Variants in XPO4 observed in about 807,000 individuals in gnomAD.
The protein encoded by XPO4 is exportin-4.
A neutral mutation model predicts 143.0 loss-of-function variants in XPO4; 39 were observed. The ratio of observed to expected loss-of-function variants is 0.27; its 90% CI spans 0.21 to 0.36. The LOEUF (loss-of-function observed/expected upper bound fraction) is 0.36. Ranked by LOEUF, XPO4 falls within the 10% of genes least tolerant of loss-of-function variation. XPO4 has a pLI of 1.00. For missense variants in XPO4, 907 were observed against 1,348.0 expected, an observed-to-expected ratio of 0.67 and a Z score of 5.12; for synonymous variants, 439 against 474.0, an observed-to-expected ratio of 0.93 and a Z score of 0.96.
In XPO4 at chr13:20,807,505, T is replaced by C. The variant is rs776091609; in HGVS notation, c.1769A>G (p.Glu590Gly). Residue 590 changes from glutamate to glycine, a missense_variant, in exon 13 of 23, where the codon GAA becomes GGA. Coordinates refer to ENST00000255305, the MANE Select transcript of XPO4 (RefSeq NM_022459.5). ...TTLQILGSPG[E>G]KASSIPGYNR... ...GTACCCTGGGATGGAAGAAGCCTTT[T>C]CTCCTGGAGATCCCAAAATTTGAAG... 1 of 1,613,700 alleles carries C rather than the reference T, an allele frequency of 6.2e-7. No individual in the cohort carries two copies. The highest frequency in any genetic ancestry group is 1.7e-5 in the Admixed American group (1 of 59,976).
chr13:20,882,109 C>CAAAAAA (rs35404161), intron 1 of XPO4, among the ~76,000 whole-genome samples: 7 of 93,370 alleles, frequency 7.5e-5, no homozygotes, highest in African/African-American at 2.8e-4. Flanking sequence ...GACTCGGTCT[C>CAAAAAA]AAAAAAAAAA....
chr13:20,851,711 C>CA lies in XPO4; in HGVS notation c.456+3915dup, dbSNP rs11340357. ...GGCAACAGAGCAAGACCCGGTCTCA[C>CA]AAAAAAAAAAAAAAAAAAAGAAAGA... On this transcript the variant is annotated intron_variant, in intron 4 of 22. Coordinates refer to ENST00000255305, the MANE Select transcript of XPO4 (RefSeq NM_022459.5). The CA allele has an allele frequency of 6.9e-3, 5,403 of 779,406 alleles. 1 individual carries two copies. Among genetic ancestry groups the CA allele is most frequent in the Middle Eastern group, 0.014 (20 of 1,462 alleles). The allele number at this position is 779,406 out of a possible 1,614,324, so 48.3% of individuals were successfully genotyped here.
At chr13:20,825,581 T>C (rs2059774162) in intron 7 of XPO4, among the ~76,000 whole-genome samples, 1 of 152,232 alleles carries the variant, frequency 6.6e-6, no homozygotes, top group Non-Finnish European at 1.5e-5. Context: ...CTGGTTTGTC[T>C]AGACAGCTGT....
At chr13:20,841,280 A>G (rs375210020) in intron 6 of XPO4, among the ~76,000 whole-genome samples, 3 of 152,238 alleles carry the variant, frequency 2.0e-5, no homozygotes, top group South Asian at 2.1e-4. Context: ...TCTCTCCCCA[A>G]CTGCAAGATC....
At chr13:20,830,142 C>T (rs1367198545) in intron 6 of XPO4, among the ~76,000 whole-genome samples, 2 of 152,174 alleles carry the variant, frequency 1.3e-5, no homozygotes, top group African/African-American at 4.8e-5. Flanking sequence ...TTTCAGCACA[C>T]TGTCCCTGAT....
intron 1 of XPO4, among the ~76,000 whole-genome samples, chr13:20,899,758 T>TA (rs2138195066): frequency 6.6e-6 from 1 of 152,298 alleles, no homozygotes; most frequent in South Asian, 2.1e-4. Flanking sequence ...AATTATGAAA[T>TA]ACATCACTAT....
chr13:20,861,097 T>G (rs2060192812), intron 3 of XPO4, among the ~76,000 whole-genome samples: 2 of 152,158 alleles, frequency 1.3e-5, no homozygotes, highest in Non-Finnish European at 2.9e-5. Context: ...TTAATCACCA[T>G]TCCTAAGCAC....
chr13:20,892,091 A>T (rs1183890257), intron 1 of XPO4, among the ~76,000 whole-genome samples: 1 of 149,994 alleles, frequency 6.7e-6, no homozygotes, highest in African/African-American at 2.5e-5. Context: ...CAGTGGCATG[A>T]TCTCGGCTCA....
chr13:20,808,959 AT>A, intron 11 of XPO4, 123 bp downstream of exon 11: 1 of 1,115,860 alleles, frequency 9.0e-7, no homozygotes, highest in South Asian at 1.6e-5. Flanking sequence ...GTTTCTGTCC[AT>A]TTGTTCCAGT....
rs117497847 is a variant in XPO4 at position 20,845,951 on chromosome 13, A to G, written c.457-2065T>C. Among the ~76,000 whole-genome samples the G allele has an allele frequency of 8.6e-3, 1,314 of 152,342 alleles. 8 individuals are homozygous for G. The highest frequency in any genetic ancestry group is 0.015 in the Non-Finnish European group (992 of 68,024). On this transcript the variant is annotated intron_variant, in intron 4 of 22. Transcript: ENST00000255305. ...AAGACTCTAGTCAATAAAACATTAT[A>G]AACACATCTAAATGTTTGAGAAAAC...
intron 4 of XPO4, chr13:20,848,133 T>C (rs945388171): frequency 3.5e-6 from 2 of 576,346 alleles, no homozygotes; most frequent in African/African-American, 4.1e-5. Context: ...TATCATTCAC[T>C]GCTGCTGGCA....
At chr13:20,869,546 T>C in intron 1 of XPO4, 1 of 905,362 alleles carries the variant, frequency 1.1e-6, no homozygotes, top group Non-Finnish European at 1.3e-6. Context: ...ATTTCAATTA[T>C]ATTAAATAAT....
chr13:20,819,427 T>C (rs2059690528), intron 9 of XPO4, among the ~76,000 whole-genome samples: 1 of 152,010 alleles, frequency 6.6e-6, no homozygotes, highest in Non-Finnish European at 1.5e-5. Flanking sequence ...TTTGGGAGGC[T>C]GGGGTGGGTG....
intron 9 of XPO4, 142 bp downstream of exon 9, chr13:20,821,562 A>C: frequency 1.1e-6 from 1 of 893,580 alleles, no homozygotes; most frequent in South Asian, 3.2e-5. Flanking sequence ...TTTCCCAAAT[A>C]ATTTGCACAT....
chr13:20,875,144 T>G (rs2060339662), intron 1 of XPO4, among the ~76,000 whole-genome samples: 1 of 152,332 alleles, frequency 6.6e-6, no homozygotes. Flanking sequence ...CTTTGACTCA[T>G]TCACTAAAAA....
intron 4 of XPO4, among the ~76,000 whole-genome samples, chr13:20,846,372 C>T (rs1308920967): frequency 1.3e-5 from 2 of 152,124 alleles, no homozygotes; most frequent in South Asian, 4.1e-4. Flanking sequence ...GGCAGGGCAA[C>T]GACAGGTGAA....
intron 18 of XPO4, 44 bp downstream of exon 18, chr13:20,796,032 G>A (rs751994561): frequency 2.0e-6 from 3 of 1,526,348 alleles, no homozygotes; most frequent in Non-Finnish European, 2.7e-6. Context: ...TTAATAAAAA[G>A]GAGGATAACA....
intron 22 of XPO4, among the ~76,000 whole-genome samples, chr13:20,784,464 T>C (rs1414541462): frequency 1.3e-5 from 2 of 152,210 alleles, no homozygotes; most frequent in African/African-American, 4.8e-5. Context: ...CAGGGCACTC[T>C]GAAAGCTCCA....
chr13:20,849,373 A>G, intron 4 of XPO4: 3 of 985,408 alleles, frequency 3.0e-6, no homozygotes, highest in Non-Finnish European at 3.6e-6. Flanking sequence ...GGAGACTTAA[A>G]TGCTAAATTA....
Sources: gnomAD v4.1 joint callset for allele counts (sites outside exome capture counted in the v4.1 genomes callset) on GRCh38, gnomAD v4.1.1 for gene constraint, MANE v1.5 for transcripts, NCBI Gene and HGNC (gene_info 2026-07-23, HGNC 2026-07-21) for gene names.